Variants in PLCG2 observed in about 807,000 individuals in gnomAD.
PLCG2 encodes 1-phosphatidylinositol 4,5-bisphosphate phosphodiesterase gamma-2.
Under a neutral mutation model 175.6 loss-of-function variants are expected in PLCG2, and 69 were observed. That is an observed-to-expected ratio of 0.39 (90% CI 0.32 to 0.48). The LOEUF (loss-of-function observed/expected upper bound fraction) is 0.48, where lower values mean the gene tolerates loss of function less well. Ranked by LOEUF, PLCG2 falls within the 20% of genes least tolerant of loss-of-function variation. The pLI, the probability that PLCG2 is intolerant of heterozygous loss-of-function variation, is 0.91. For synonymous variants in PLCG2, 827 were observed against 624.0 expected, an observed-to-expected ratio of 1.33 and a Z score of -4.85; for missense variants, 1,798 against 1,650.9, an observed-to-expected ratio of 1.09 and a Z score of -1.54.
chr16:81,828,394 C>G (rs1023027661), intron 2 of PLCG2, among the ~76,000 whole-genome samples: 39 of 151,760 alleles, frequency 2.6e-4, no homozygotes, highest in African/African-American at 9.2e-4. Context: ...CCTGCCACCA[C>G]GCCCGGCTAA....
intron 5 of PLCG2, among the ~76,000 whole-genome samples, chr16:81,867,493 T>G (rs1750065890): frequency 6.6e-6 from 1 of 152,192 alleles, no homozygotes; most frequent in African/African-American, 2.4e-5. Flanking sequence ...GGTGCCTCAG[T>G]TTCCTCACCT....
In PLCG2 at chr16:81,747,937, T is replaced by C. The variant is rs539271192; in HGVS notation, c.-144-7933T>C. Among the ~76,000 whole-genome samples the C allele has an allele frequency of 3.4e-4, 51 of 152,210 alleles. No homozygotes were observed. The East Asian group carries it at 8.5e-3, about 25-fold the overall frequency. ...TCACCCAGGCTGGAGTGCAGTAGCG[T>C]GATCTTGGGTCACTGCAACCTCTGC... On this transcript the variant is annotated intron_variant, in intron 1 of 5. Transcript: ENST00000565054.
At chr16:81,776,081 C>CGTTCTTTCTTTCTTTCTTTCTT (rs768932030), upstream of PLCG2, among the ~76,000 whole-genome samples, 1 of 110,586 alleles carries the variant, frequency 9.0e-6, no homozygotes, top group South Asian at 3.3e-4. Flanking sequence ...CTTTCTCTCT[C>CGTTCTTTCTTTCTTTCTTTCTT]TCTCTCTCTT....
At chr16:81,829,473 C>A (rs1905175463) in intron 2 of PLCG2, among the ~76,000 whole-genome samples, 1 of 152,220 alleles carries the variant, frequency 6.6e-6, no homozygotes, top group Admixed American at 6.5e-5. Context: ...CCTCCTTGGC[C>A]TCCCGAAGTG....
At chr16:81,899,834 G>A (rs1449178551) in intron 13 of PLCG2, among the ~76,000 whole-genome samples, 1 of 152,138 alleles carries the variant, frequency 6.6e-6, no homozygotes, top group African/African-American at 2.4e-5. Context: ...ACCAAATCAG[G>A]TGTCTTTAAA....
chr16:81,833,747 G>A (rs527592698), intron 2 of PLCG2, among the ~76,000 whole-genome samples: 5 of 152,014 alleles, frequency 3.3e-5, no homozygotes, highest in African/African-American at 7.2e-5. Flanking sequence ...CAAGGTGAGG[G>A]TGTTGCCTAG....
At chr16:81,922,137 G>C (rs1910086430) in intron 21 of PLCG2, among the ~76,000 whole-genome samples, 1 of 152,186 alleles carries the variant, frequency 6.6e-6, no homozygotes, top group South Asian at 2.1e-4. Flanking sequence ...TCTGTTTGCA[G>C]GTGGGGGAGA....
chr16:81,837,532 G>A (rs1478451964), intron 2 of PLCG2, among the ~76,000 whole-genome samples: 1 of 152,208 alleles, frequency 6.6e-6, no homozygotes, highest in African/African-American at 2.4e-5. Context: ...GATGCTCTCC[G>A]CAGGGACCCC....
intron 2 of PLCG2, among the ~76,000 whole-genome samples, chr16:81,796,467 C>G (rs912254807): frequency 1.6e-4 from 24 of 152,334 alleles, no homozygotes; most frequent in Middle Eastern, 3.4e-3. Context: ...TGGAGGTGGT[C>G]TCCTGTAAGA....
At chr16:81,799,500 C>G (rs1173068982) in intron 2 of PLCG2, among the ~76,000 whole-genome samples, 1 of 152,158 alleles carries the variant, frequency 6.6e-6, no homozygotes, top group East Asian at 1.9e-4. Context: ...CCATAGGTCA[C>G]TGTAGCCTTG....
At chr16:81,856,838 A>C (rs1160026657) in intron 3 of PLCG2, among the ~76,000 whole-genome samples, 1 of 152,164 alleles carries the variant, frequency 6.6e-6, no homozygotes, top group East Asian at 1.9e-4. Context: ...CTGGGTGTCT[A>C]GTGGAATCAC....
At chr16:81,854,699 G>T in intron 3 of PLCG2, 112 bp downstream of exon 3, 1 of 1,015,072 alleles carries the variant, frequency 9.9e-7, no homozygotes, top group South Asian at 1.5e-5. Flanking sequence ...TGTATTTGGG[G>T]TCATGGTTTT....
In PLCG2 at chr16:81,880,939, CG is replaced by C; in HGVS notation, c.679del (p.Val227CysfsTer36). On this transcript the variant is annotated frameshift_variant, in exon 8 of 33. Coordinates refer to ENST00000564138, the MANE Select transcript of PLCG2 (RefSeq NM_002661.5). LOFTEE classifies it high-confidence loss of function. ...ILDEFKKDSS[V>X]FILGNTDRPD... ...TCGATGAATTCAAAAAGGATTCGTC[CG>C]TGTTCATCCTGGGGTGAGGCAGCTC... 1 of 1,614,084 alleles carries C rather than the reference CG, an allele frequency of 6.2e-7. No individual in the cohort carries two copies. The highest frequency in any genetic ancestry group is 8.5e-7 in the Non-Finnish European group (1 of 1,179,970).
intron 5 of PLCG2, among the ~76,000 whole-genome samples, chr16:81,862,989 G>T (rs1479531576): frequency 6.6e-6 from 1 of 152,054 alleles, no homozygotes; most frequent in Non-Finnish European, 1.5e-5. Context: ...ATCACCTTAT[G>T]ATTAAAAAAA....
chr16:81,875,315 A>G (rs772553914), intron 7 of PLCG2, among the ~76,000 whole-genome samples: 8 of 151,962 alleles, frequency 5.3e-5, no homozygotes, highest in Non-Finnish European at 7.4e-5. Context: ...CCTGTGCAAG[A>G]GCTACTGTTG....
intron 2 of PLCG2, among the ~76,000 whole-genome samples, chr16:81,841,441 A>T (rs1257328971): frequency 6.6e-6 from 1 of 151,948 alleles, no homozygotes; most frequent in Non-Finnish European, 1.5e-5. Flanking sequence ...GCATTTCACT[A>T]TGTTGGCCAG....
In PLCG2 at chr16:81,817,410, T is replaced by C. The variant is rs114147336; in HGVS notation, c.193+31228T>C. Among the ~76,000 whole-genome samples the C allele has an allele frequency of 2.0e-3, 306 of 152,372 alleles. 1 individual carries two copies. Among genetic ancestry groups the C allele is most frequent in the African/African-American group, 6.9e-3 (289 of 41,586 alleles). The stretch of plus-strand genomic sequence containing the variant: ...TTAGATGTTGATATTACTATTATTA[T>C]TTTTGAGAAGGAGTTTCGCTTTTGT... On this transcript the variant is annotated intron_variant, in intron 2 of 32. Transcript: ENST00000564138.
chr16:81,895,381 C>T (rs919822510), intron 12 of PLCG2, among the ~76,000 whole-genome samples: 3 of 152,074 alleles, frequency 2.0e-5, no homozygotes, highest in African/African-American at 7.2e-5. Context: ...CAACATGGTG[C>T]AACCCTGTCT....
chr16:81,962,670 G>C lies in PLCG2; in HGVS notation c.*4672G>C. The C allele has an allele frequency of 4.6e-6, 1 of 216,820 alleles. No homozygotes were observed. The highest frequency in any genetic ancestry group is 9.3e-6 in the Non-Finnish European group (1 of 107,716). The allele number at this position is 216,820 out of a possible 1,614,324, so 13.4% of individuals were successfully genotyped here. A position where few individuals can be genotyped will look rare whatever the true frequency, so the allele number is the denominator to read the frequency against. On this transcript the variant is annotated 3_prime_UTR_variant, in exon 33 of 33. Transcript: ENST00000564138. ...CTGTATCACATTTTGAAAAATAAAA[G>C]TTTCATCTGAATGAATATAGCAATC...
Sources: allele counts gnomAD v4.1 joint callset (sites outside exome capture counted in the v4.1 genomes callset), GRCh38; gene constraint gnomAD v4.1.1; transcripts MANE v1.5; gene names NCBI Gene and HGNC (gene_info 2026-07-23, HGNC 2026-07-21).